The following ADAM32 variants were observed in gnomAD, a reference collection of about 807,000 sequenced individuals.
ADAM32 encodes the protein disintegrin and metalloproteinase domain-containing protein 32.
In ADAM32, 89 loss-of-function variants were observed where a neutral mutation model predicts 114.9. That is an observed-to-expected ratio of 0.77 (90% CI 0.65 to 0.92). ADAM32 has a LOEUF of 0.92. Among genes scored for constraint, ADAM32 ranks in the 40% least tolerant of loss-of-function variants. The pLI is 0.00. For missense variants in ADAM32, 870 were observed against 932.8 expected (o/e 0.93, Z 0.88); for synonymous variants, 285 against 307.5 (o/e 0.93, Z 0.77).
At chr8:39,139,885 T>C (rs1309065161) in intron 3 of ADAM32, among the ~76,000 whole-genome samples, 2 of 152,216 alleles carry the variant, frequency 1.3e-5, no homozygotes, top group Non-Finnish European at 2.9e-5. Context: ...GAAGAGGTCC[T>C]TCACATCCCT....
intron 19 of ADAM32, among the ~76,000 whole-genome samples, chr8:39,259,199 C>T (rs934278844): frequency 4.7e-5 from 7 of 148,086 alleles, no homozygotes; most frequent in Non-Finnish European, 4.5e-5. Flanking sequence ...TTCTTGGTTT[C>T]ATTTTTCTTT....
At chr8:39,258,306 A>G (rs1275404509) in intron 19 of ADAM32, among the ~76,000 whole-genome samples, 1 of 150,998 alleles carries the variant, frequency 6.6e-6, no homozygotes, top group Non-Finnish European at 1.5e-5. Context: ...GTAACTCTAG[A>G]TTTCTTGATT....
At chr8:39,254,692 C>T (rs1811529863) in intron 18 of ADAM32, among the ~76,000 whole-genome samples, 176 bp downstream of exon 18, 1 of 151,680 alleles carries the variant, frequency 6.6e-6, no homozygotes, top group Non-Finnish European at 1.5e-5. Context: ...GCTCTCTTTT[C>T]TTTATAATTA....
In ADAM32 at chr8:39,186,905, A is replaced by G; in HGVS notation, c.916-4A>G. ...CCTTAGAATTTTCTTTGTTGTTATT[A>G]TAGTACCCCAAGGAGATAACTCTGG... is the stretch of plus-strand genomic sequence containing the variant. On this transcript the variant is annotated splice_region_variant and splice_polypyrimidine_tract_variant and intron_variant, in intron 10 of 24. Coordinates refer to ENST00000379907, the MANE Select transcript of ADAM32 (RefSeq NM_145004.7). The G allele has an allele frequency of 1.3e-6, 2 of 1,586,968 alleles. No individual in the cohort carries two copies. The highest frequency in any genetic ancestry group is 1.7e-6 in the Non-Finnish European group (2 of 1,169,348).
At chr8:39,185,318 TATGCTAC>T (rs1806156008) in intron 10 of ADAM32, among the ~76,000 whole-genome samples, 1 of 145,780 alleles carries the variant, frequency 6.9e-6, no homozygotes, top group Non-Finnish European at 1.5e-5. Context: ...TCCATTGCAC[TATGCTAC>T]TGTCATCTCC....
intron 17 of ADAM32, among the ~76,000 whole-genome samples, chr8:39,250,069 G>C (rs1267428212): frequency 6.6e-6 from 1 of 151,940 alleles, no homozygotes; most frequent in African/African-American, 2.4e-5. Flanking sequence ...TTTGGCATTT[G>C]TCCTGATTTT....
intron 11 of ADAM32, among the ~76,000 whole-genome samples, chr8:39,188,359 A>ATCTG (rs1181893122): frequency 1.6e-5 from 2 of 123,582 alleles, no homozygotes; most frequent in Non-Finnish European, 3.4e-5. Context: ...GATAAATGGA[A>ATCTG]TCTGTCTATC....
intron 17 of ADAM32, among the ~76,000 whole-genome samples, chr8:39,246,760 A>G (rs1338331062): frequency 6.6e-6 from 1 of 152,138 alleles, no homozygotes; most frequent in Non-Finnish European, 1.5e-5. Context: ...CTCACATTCT[A>G]TGGGTTTTGA....
chr8:39,238,934 C>G (rs1032799896), intron 16 of ADAM32, among the ~76,000 whole-genome samples: 1 of 151,680 alleles, frequency 6.6e-6, no homozygotes, highest in Non-Finnish European at 1.5e-5. Context: ...GTTAAATAAC[C>G]AAACTAAGAA....
At chr8:39,118,011 T>TA (rs1840447244) in intron 1 of ADAM32, 75 bp from the exon 2 acceptor site, 7 of 1,028,014 alleles carry the variant, frequency 6.8e-6, no homozygotes, top group Non-Finnish European at 9.7e-6. Context: ...AAGTAAACTT[T>TA]ATGAAAGAAA....
intron 10 of ADAM32, among the ~76,000 whole-genome samples, chr8:39,177,577 A>T (rs1363883528): frequency 6.6e-6 from 1 of 152,152 alleles, no homozygotes; most frequent in Non-Finnish European, 1.5e-5. Context: ...TATTTTGCAG[A>T]CTTTTTTATG....
chr8:39,253,211 TAAGATGCAG>T (rs1374116468), intron 17 of ADAM32, among the ~76,000 whole-genome samples: 1 of 151,602 alleles, frequency 6.6e-6, no homozygotes, highest in Non-Finnish European at 1.5e-5. Context: ...TTTATGACAT[TAAGATGCAG>T]AAAAAGCATT....
intron 11 of ADAM32, among the ~76,000 whole-genome samples, chr8:39,199,717 A>G (rs1336777605): frequency 6.6e-6 from 1 of 151,898 alleles, no homozygotes; most frequent in Non-Finnish European, 1.5e-5. Context: ...GGTGTGCTGC[A>G]CCCATTAACT....
intron 11 of ADAM32, among the ~76,000 whole-genome samples, chr8:39,202,014 CTGGATT>C (rs1168062837): frequency 1.3e-5 from 2 of 152,168 alleles, no homozygotes; most frequent in Non-Finnish European, 2.9e-5. Context: ...TGATGTGCTG[CTGGATT>C]TGGTTTGCCA....
intron 11 of ADAM32, among the ~76,000 whole-genome samples, chr8:39,197,652 C>T (rs1235637537): frequency 4.6e-5 from 7 of 151,992 alleles, no homozygotes; most frequent in Non-Finnish European, 7.4e-5. Flanking sequence ...TTGATTTTTA[C>T]TTTTATTTCA....
chr8:39,152,469 C>G (rs1363578675), intron 6 of ADAM32, among the ~76,000 whole-genome samples: 1 of 152,140 alleles, frequency 6.6e-6, no homozygotes, highest in Non-Finnish European at 1.5e-5. Flanking sequence ...CACCTGTAAT[C>G]CCAGCACTTT....
In ADAM32 at chr8:39,281,244, C is replaced by T. The variant is rs964242252; in HGVS notation, c.2318+70C>T. The T allele has an allele frequency of 1.1e-4, 103 of 944,294 alleles. 1 individual carries two copies. The highest frequency in any genetic ancestry group is 5.4e-4 in the South Asian group (19 of 35,378). The allele number at this position is 944,294 out of a possible 1,614,324, so 58.5% of individuals were successfully genotyped here. A position where few individuals can be genotyped will look rare whatever the true frequency, so the allele number is the denominator to read the frequency against. On this transcript the variant is annotated intron_variant, in intron 23 of 24. Transcript: ENST00000379907. ...ATTCAGAATGAAAAAGTTGATAATT[C>T]ACAAATAATTGCTCAACATTTTTTG...
intron 12 of ADAM32, among the ~76,000 whole-genome samples, chr8:39,215,672 A>G (rs1250668203): frequency 6.6e-6 from 1 of 151,892 alleles, no homozygotes; most frequent in African/African-American, 2.4e-5. Flanking sequence ...ATATTGTTTA[A>G]TTTCCATGTA....
chr8:39,188,376 TCTG>T (rs1806387542), intron 11 of ADAM32, among the ~76,000 whole-genome samples: 4 of 29,320 alleles, frequency 1.4e-4, no homozygotes, highest in Non-Finnish European at 2.6e-4. Flanking sequence ...TATCTATCTG[TCTG>T]TCTGTCTGTC....
Sources: allele counts gnomAD v4.1 joint callset (sites outside exome capture counted in the v4.1 genomes callset), GRCh38; gene constraint gnomAD v4.1.1; transcripts MANE v1.5; gene names NCBI Gene and HGNC (gene_info 2026-07-23, HGNC 2026-07-21).